EPHA6: variants seen among roughly 807,000 people sequenced by gnomAD.
The protein encoded by EPHA6 is ephrin type-A receptor 6.
In EPHA6, 50 loss-of-function variants were observed where a neutral mutation model predicts 112.0. The ratio of observed to expected loss-of-function variants is 0.45; its 90% CI spans 0.36 to 0.56. The LOEUF (loss-of-function observed/expected upper bound fraction) is 0.56, where lower values mean the gene tolerates loss of function less well. Ranked by LOEUF, EPHA6 falls within the 20% of genes least tolerant of loss-of-function variation. The pLI, the probability that EPHA6 is intolerant of heterozygous loss-of-function variation, is 0.00. For synonymous variants in EPHA6, 529 were observed against 490.7 expected, an observed-to-expected ratio of 1.08 and a Z score of -1.03; for missense variants, 1,280 against 1,417.4, an observed-to-expected ratio of 0.90 and a Z score of 1.56.
At chr3:96,849,346 A>G (rs1304286099) in intron 1 of EPHA6, among the ~76,000 whole-genome samples, 1 of 152,128 alleles carries the variant, frequency 6.6e-6, no homozygotes, top group Non-Finnish European at 1.5e-5. Flanking sequence ...TGGGACTCTT[A>G]TAAAATCAAT....
chr3:97,171,065 G>A (rs2076686580), intron 3 of EPHA6, among the ~76,000 whole-genome samples: 1 of 152,166 alleles, frequency 6.6e-6, no homozygotes, highest in Non-Finnish European at 1.5e-5. Flanking sequence ...ACCATTAAGT[G>A]TAGGAACTAA....
At chr3:97,392,920 T>C (rs547162407) in intron 5 of EPHA6, among the ~76,000 whole-genome samples, 1 of 151,872 alleles carries the variant, frequency 6.6e-6, no homozygotes, top group South Asian at 2.1e-4. Flanking sequence ...TATTCAAATA[T>C]ACCTAGGATA....
At chr3:97,211,275 G>T (rs764821284) in intron 3 of EPHA6, among the ~76,000 whole-genome samples, 1 of 151,606 alleles carries the variant, frequency 6.6e-6, no homozygotes, top group Admixed American at 6.6e-5. Flanking sequence ...CTTAGCTTCA[G>T]GTTCCTCATC....
chr3:97,086,414 T>C (rs1400542286), intron 3 of EPHA6, among the ~76,000 whole-genome samples: 1 of 152,092 alleles, frequency 6.6e-6, no homozygotes, highest in Non-Finnish European at 1.5e-5. Flanking sequence ...ACATTTACAA[T>C]TCATTAATTT....
chr3:97,601,888 C>G (rs2093646136), intron 12 of EPHA6, among the ~76,000 whole-genome samples: 1 of 151,834 alleles, frequency 6.6e-6, no homozygotes, highest in Non-Finnish European at 1.5e-5. Context: ...TTTCTTTTGA[C>G]AGTGAATGAT....
intron 2 of EPHA6, among the ~76,000 whole-genome samples, chr3:96,869,318 G>C (rs1354392135): frequency 6.6e-6 from 1 of 151,218 alleles, no homozygotes; most frequent in African/African-American, 2.4e-5. Flanking sequence ...ATAATAAAAG[G>C]AGAGGTTAAT....
At chr3:97,541,559 C>T (rs1386880809) in intron 11 of EPHA6, among the ~76,000 whole-genome samples, 1 of 152,050 alleles carries the variant, frequency 6.6e-6, no homozygotes, top group African/African-American at 2.4e-5. Flanking sequence ...AGGATCCAGT[C>T]CAGGATCCCA....
At chr3:97,180,003 G>A (rs906608851) in intron 3 of EPHA6, among the ~76,000 whole-genome samples, 21 of 152,066 alleles carry the variant, frequency 1.4e-4, no homozygotes, top group Admixed American at 2.0e-4. Flanking sequence ...CAAATTCTGG[G>A]TTGGTCCAGA....
At chr3:97,710,720 C>A (rs2107762885) in intron 14 of EPHA6, among the ~76,000 whole-genome samples, 1 of 152,250 alleles carries the variant, frequency 6.6e-6, no homozygotes, top group South Asian at 2.1e-4. Context: ...GAAAGAGGGC[C>A]AAGAAGCCAG....
intron 10 of EPHA6, among the ~76,000 whole-genome samples, chr3:97,493,317 G>A (rs2091899171): frequency 1.3e-5 from 2 of 151,970 alleles, no homozygotes; most frequent in Non-Finnish European, 2.9e-5. Context: ...CACAGATTGG[G>A]TGGCTTAAAA....
chr3:97,256,438 G>C (rs188916636), intron 5 of EPHA6, among the ~76,000 whole-genome samples: 29 of 151,956 alleles, frequency 1.9e-4, no homozygotes, highest in African/African-American at 7.0e-4. Flanking sequence ...TAATTTTAAG[G>C]TCAAAAAATG....
intron 14 of EPHA6, among the ~76,000 whole-genome samples, chr3:97,668,269 T>C (rs1259458630): frequency 1.3e-5 from 2 of 152,182 alleles, no homozygotes; most frequent in Non-Finnish European, 2.9e-5. Flanking sequence ...AAAACCTTCA[T>C]ATAATTTGTT....
At chr3:97,414,779 A>G (rs2087994364) in intron 6 of EPHA6, among the ~76,000 whole-genome samples, 1 of 152,080 alleles carries the variant, frequency 6.6e-6, no homozygotes, top group South Asian at 2.1e-4. Context: ...TTACTATTTG[A>G]AAAAAGGAAA....
chr3:97,549,162 T>C (rs933871440), intron 11 of EPHA6, among the ~76,000 whole-genome samples: 3 of 152,204 alleles, frequency 2.0e-5, no homozygotes, highest in African/African-American at 7.2e-5. Context: ...CTCCTATTTA[T>C]TAAAAAATGT....
At chr3:97,354,987 C>G (rs965008121) in intron 5 of EPHA6, among the ~76,000 whole-genome samples, 17 of 151,818 alleles carry the variant, frequency 1.1e-4, no homozygotes, top group African/African-American at 3.9e-4. Context: ...AACAAACAAC[C>G]CTTTATCCTG....
chr3:97,340,280 G>C (rs897002822), intron 5 of EPHA6, among the ~76,000 whole-genome samples: 3 of 152,174 alleles, frequency 2.0e-5, no homozygotes, highest in Non-Finnish European at 4.4e-5. Context: ...CGTGGTTGGA[G>C]GCATCACTGC....
At chr3:97,123,367 A>G (rs144847160) in intron 3 of EPHA6, among the ~76,000 whole-genome samples, 124 of 152,236 alleles carry the variant, frequency 8.1e-4, no homozygotes, top group African/African-American at 2.9e-3. Context: ...TACTACAAGT[A>G]AGGATTTTTC....
intron 3 of EPHA6, among the ~76,000 whole-genome samples, chr3:97,167,322 C>T (rs964233582): frequency 1.8e-4 from 27 of 152,096 alleles, no homozygotes; most frequent in African/African-American, 6.5e-4. Flanking sequence ...AAACAGATGC[C>T]TCAGACGGTG....
At chr3:97,243,917 A>G in intron 4 of EPHA6, 35 bp from the exon 5 acceptor site, 1 of 1,466,030 alleles carries the variant, frequency 6.8e-7, no homozygotes, top group East Asian at 2.4e-5. Flanking sequence ...ATTGTCCTAT[A>G]TATGTACATT....
Sources: allele counts gnomAD v4.1 joint callset (sites outside exome capture counted in the v4.1 genomes callset), GRCh38; gene constraint gnomAD v4.1.1; transcripts MANE v1.5; gene names NCBI Gene and HGNC (gene_info 2026-07-23, HGNC 2026-07-21).